CNTNAP5: variants seen among roughly 807,000 people sequenced by gnomAD.
CNTNAP5 encodes contactin associated protein family member 5.
A neutral mutation model predicts 150.2 loss-of-function variants in CNTNAP5; 72 were observed. The observed-to-expected ratio is 0.48, with a 90% CI of 0.40 to 0.58. The LOEUF (loss-of-function observed/expected upper bound fraction) is 0.58. Among genes scored for constraint, CNTNAP5 ranks in the 20% least tolerant of loss-of-function variants. The probability of loss-of-function intolerance (pLI) is 0.00; values close to 1 mark genes in which losing one functional copy is unlikely to be tolerated. For synonymous variants in CNTNAP5, 672 were observed against 619.8 expected (o/e 1.08, Z -1.25); for missense variants, 1,636 against 1,626.2 (o/e 1.01, Z -0.10).
chr2:124,560,931 A>G (rs142040579), intron 10 of CNTNAP5, among the ~76,000 whole-genome samples: 200 of 152,192 alleles, frequency 1.3e-3, no homozygotes, highest in African/African-American at 4.8e-3. Flanking sequence ...CAGCCACCAA[A>G]AAAAGTCAAC....
chr2:124,332,698 A>G lies in CNTNAP5; in HGVS notation c.382-84745A>G, dbSNP rs1689379102. 2.0e-5 allele frequency among the ~76,000 whole-genome samples: 3 copies of G among 152,116 alleles called. No homozygotes were observed. The South Asian group carries it at 6.2e-4, about 32-fold the overall frequency. ...ACTTTAAGTAAACGTAATATAAAGC[A>G]TAATTATTATTTTAAAAAGTTCATT... On this transcript the variant is annotated intron_variant, in intron 3 of 23. Transcript: ENST00000682447.
intron 1 of CNTNAP5, among the ~76,000 whole-genome samples, chr2:124,128,183 G>C (rs1683759647): frequency 6.6e-6 from 1 of 152,114 alleles, no homozygotes; most frequent in Non-Finnish European, 1.5e-5. Flanking sequence ...CTAGTATCAA[G>C]AATCTACAAA....
At chr2:124,732,016 G>A (rs1680282850) in intron 13 of CNTNAP5, among the ~76,000 whole-genome samples, 1 of 152,068 alleles carries the variant, frequency 6.6e-6, no homozygotes, top group African/African-American at 2.4e-5. Flanking sequence ...TTTACTCGGA[G>A]CAAGTTTAGT....
chr2:124,484,721 G>T (rs768462489), intron 7 of CNTNAP5, among the ~76,000 whole-genome samples: 1 of 152,096 alleles, frequency 6.6e-6, no homozygotes, highest in Non-Finnish European at 1.5e-5. Flanking sequence ...CAACACTAAA[G>T]GTTATAGATC....
At chr2:124,521,580 C>T (rs945723313) in intron 8 of CNTNAP5, among the ~76,000 whole-genome samples, 2 of 152,184 alleles carry the variant, frequency 1.3e-5, no homozygotes, top group African/African-American at 2.4e-5. Context: ...ATACCTAATT[C>T]GAGGGGACAC....
chr2:124,448,919 C>T (rs1011017980), intron 6 of CNTNAP5, among the ~76,000 whole-genome samples: 2 of 152,208 alleles, frequency 1.3e-5, no homozygotes, highest in Admixed American at 1.3e-4. Flanking sequence ...GATACACAGT[C>T]ATGGCACACC....
chr2:124,911,422 T>A, intron 22 of CNTNAP5, 45 bp from the exon 23 acceptor site: 1 of 1,438,938 alleles, frequency 6.9e-7, no homozygotes, highest in Non-Finnish European at 9.6e-7. Context: ...TTCTTGCCAG[T>A]GCTTTGAGTG....
intron 7 of CNTNAP5, among the ~76,000 whole-genome samples, chr2:124,480,080 T>C (rs192587167): frequency 6.6e-6 from 1 of 152,328 alleles, no homozygotes; most frequent in Admixed American, 6.5e-5. Context: ...TGCAGTCACA[T>C]ACAGTTCCAA....
chr2:124,868,764 C>A (rs968664095), intron 20 of CNTNAP5, among the ~76,000 whole-genome samples: 8 of 152,102 alleles, frequency 5.3e-5, no homozygotes, highest in African/African-American at 1.9e-4. Flanking sequence ...GTATGAGTCC[C>A]TGGTGGATTG....
chr2:124,864,240 A>G (rs1677581716), intron 19 of CNTNAP5, among the ~76,000 whole-genome samples: 1 of 152,156 alleles, frequency 6.6e-6, no homozygotes, highest in African/African-American at 2.4e-5. Flanking sequence ...TAATTGACAT[A>G]TAATACTTGT....
chr2:124,578,076 G>A (rs1027899129), intron 11 of CNTNAP5, among the ~76,000 whole-genome samples: 4 of 150,318 alleles, frequency 2.7e-5, no homozygotes, highest in African/African-American at 7.4e-5. Flanking sequence ...TTGGGAGGCC[G>A]AGGTGGGTGG....
intron 1 of CNTNAP5, among the ~76,000 whole-genome samples, chr2:124,037,173 A>G (rs951559755): frequency 3.3e-5 from 5 of 152,184 alleles, no homozygotes; most frequent in Non-Finnish European, 7.3e-5. Context: ...ATTGCTCACT[A>G]AAGCTTTTCA....
At chr2:124,325,545 T>C (rs1396153576) in intron 3 of CNTNAP5, among the ~76,000 whole-genome samples, 1 of 152,210 alleles carries the variant, frequency 6.6e-6, no homozygotes, top group Non-Finnish European at 1.5e-5. Context: ...TTTTATTTCA[T>C]TTTTGGCATA....
chr2:124,587,713 T>C (rs1696569063), intron 11 of CNTNAP5, among the ~76,000 whole-genome samples: 1 of 152,182 alleles, frequency 6.6e-6, no homozygotes, highest in Admixed American at 6.5e-5. Flanking sequence ...CAGTGATGCT[T>C]GAATTCAGAG....
intron 1 of CNTNAP5, among the ~76,000 whole-genome samples, chr2:124,206,293 G>T (rs1356145916): frequency 6.6e-6 from 1 of 152,176 alleles, no homozygotes. Flanking sequence ...TATGTGAATT[G>T]CCTGTCCCAG....
intron 14 of CNTNAP5, among the ~76,000 whole-genome samples, chr2:124,760,933 T>C (rs1283356045): frequency 6.6e-6 from 1 of 152,096 alleles, no homozygotes; most frequent in African/African-American, 2.4e-5. Context: ...ATCCCCAGAG[T>C]GACCTCACTG....
intron 3 of CNTNAP5, among the ~76,000 whole-genome samples, chr2:124,389,628 G>A (rs1189835467): frequency 6.6e-6 from 1 of 152,156 alleles, no homozygotes; most frequent in African/African-American, 2.4e-5. Flanking sequence ...TAGTAGAGAT[G>A]CAAGTAAATA....
At chr2:124,571,527 C>CTTTTTCTTTTTTCTTTTTTTT in intron 11 of CNTNAP5, among the ~76,000 whole-genome samples, 1 of 46,848 alleles carries the variant, frequency 2.1e-5, no homozygotes, top group Non-Finnish European at 3.6e-5. Context: ...TTTCTTTTTT[C>CTTTTTCTTTTTTCTTTTTTTT]TTTTTTTTTT....
At chr2:124,676,669 A>G (rs1678945238) in intron 13 of CNTNAP5, among the ~76,000 whole-genome samples, 1 of 152,186 alleles carries the variant, frequency 6.6e-6, no homozygotes. Context: ...TCCCTTGCAT[A>G]GCTGTTAGGC....
Sources: gnomAD v4.1 joint callset for allele counts (sites outside exome capture counted in the v4.1 genomes callset) on GRCh38, gnomAD v4.1.1 for gene constraint, MANE v1.5 for transcripts, NCBI Gene and HGNC (gene_info 2026-07-23, HGNC 2026-07-21) for gene names.